The following IQSEC1 variants were observed in gnomAD, a reference collection of about 807,000 sequenced individuals.
IQSEC1 encodes the protein IQ motif and SEC7 domain-containing protein 1.
IQSEC1 carries 31 observed loss-of-function variants against 91.0 expected under a neutral mutation model. That is an observed-to-expected ratio of 0.34 (90% confidence interval 0.26 to 0.46). IQSEC1 has a LOEUF of 0.46. Among genes scored for constraint, IQSEC1 ranks in the 20% least tolerant of loss-of-function variants. IQSEC1 has a pLI of 1.00. For missense variants in IQSEC1, 1,388 were observed against 1,575.6 expected, an observed-to-expected ratio of 0.88 and a Z score of 2.02; for synonymous variants, 699 against 662.6, an observed-to-expected ratio of 1.05 and a Z score of -0.84.
intron 1 of IQSEC1, among the ~76,000 whole-genome samples, chr3:13,041,129 C>A (rs1483781787): frequency 6.6e-6 from 1 of 151,992 alleles, no homozygotes; most frequent in Non-Finnish European, 1.5e-5. Context: ...TGAGGATGAA[C>A]AATTAAGTAT....
intron 1 of IQSEC1, among the ~76,000 whole-genome samples, chr3:13,178,364 A>C (rs181187743): frequency 5.9e-5 from 9 of 152,342 alleles, no homozygotes; most frequent in African/African-American, 2.2e-4. Flanking sequence ...GCTAGAAGCC[A>C]GGTCAGGGGT....
chr3:13,179,295 C>T (rs1693792568), intron 1 of IQSEC1, among the ~76,000 whole-genome samples: 1 of 152,180 alleles, frequency 6.6e-6, no homozygotes, highest in Non-Finnish European at 1.5e-5. Context: ...CACATTCAAC[C>T]TGCTGGAAGA....
At position 13,259,538 on chromosome 3, in the gene IQSEC1, G is replaced by A. The variant is rs1372398093; in HGVS notation, c.272+23173C>T. ...CAGGGAAATACAGCCGACTCCCCAA[G>A]GCCTTCGAGGCGGGCTGATGGATGC... On this transcript the variant is annotated intron_variant, in intron 1 of 15. Transcript: ENST00000648114. The surrounding 1 kb of genome is among the most constrained non-coding windows in gnomAD (Gnocchi z 4.6). 6.6e-6 allele frequency among the ~76,000 whole-genome samples: 1 copy of A among 152,190 alleles called. No homozygotes were observed. Among genetic ancestry groups the A allele is most frequent in the Non-Finnish European group, 1.5e-5 (1 of 68,050 alleles).
At chr3:13,264,389 G>C (rs1695447655) in intron 1 of IQSEC1, among the ~76,000 whole-genome samples, 1 of 152,214 alleles carries the variant, frequency 6.6e-6, no homozygotes. Flanking sequence ...GGCGGACACG[G>C]TGAAAACACG....
At chr3:13,069,390 G>GGC (rs33997561) in intron 1 of IQSEC1, among the ~76,000 whole-genome samples, 77,816 of 151,388 alleles carry the variant, frequency 0.51, 20,186 homozygotes, top group East Asian at 0.65. Flanking sequence ...GTTTCTTGGA[G>GGC]GTGTGTGTGT....
intron 1 of IQSEC1, among the ~76,000 whole-genome samples, chr3:12,989,516 T>C (rs1056560022): frequency 1.2e-4 from 18 of 152,310 alleles, no homozygotes; most frequent in African/African-American, 4.1e-4. Flanking sequence ...TCCAAGGTCA[T>C]GCACAAAGCT....
chr3:13,100,449 G>A (rs1274126023), intron 2 of IQSEC1, among the ~76,000 whole-genome samples: 1 of 148,626 alleles, frequency 6.7e-6, no homozygotes, highest in African/African-American at 2.5e-5. Context: ...ACCCCAGGGT[G>A]GGGTTTCCCT....
chr3:12,951,780 G>A (rs1423514906), intron 1 of IQSEC1, among the ~76,000 whole-genome samples: 2 of 152,166 alleles, frequency 1.3e-5, no homozygotes, highest in Non-Finnish European at 2.9e-5. Flanking sequence ...ATGACCGGGT[G>A]GTGAGGAGGA....
Position 13,260,734 on chromosome 3 carries a change from C to T in IQSEC1, c.272+21977G>A, listed in dbSNP as rs376434243. 3.7e-4 allele frequency among the ~76,000 whole-genome samples: 57 copies of T among 152,134 alleles called. No individual in the cohort carries two copies. In the South Asian group the frequency reaches 9.3e-3, roughly 25 times the overall value. The stretch of plus-strand genomic sequence containing the variant: ...ATGGCCAAGAAGCTGACCTTGGTGC[C>T]GGCTCCACAGTCCTCCTGGCAGGGT... On this transcript the variant is annotated intron_variant, in intron 1 of 15. Coordinates refer to the IQSEC1 transcript ENST00000648114.
chr3:13,266,512 A>G (rs1306419223), intron 1 of IQSEC1, among the ~76,000 whole-genome samples: 1 of 151,748 alleles, frequency 6.6e-6, no homozygotes, highest in Non-Finnish European at 1.5e-5. Context: ...TTAAACCAGG[A>G]GGCTCAGGGA....
chr3:13,244,033 G>C (rs1230958056), intron 1 of IQSEC1, among the ~76,000 whole-genome samples: 1 of 151,766 alleles, frequency 6.6e-6, no homozygotes, highest in African/African-American at 2.4e-5. Context: ...CGCCTGCTCT[G>C]TGCCAGGCCA....
intron 2 of IQSEC1, among the ~76,000 whole-genome samples, chr3:13,131,794 C>T (rs76283398): frequency 0.033 from 5,032 of 152,182 alleles, 249 homozygotes; most frequent in African/African-American, 0.11. Flanking sequence ...AAGGTTTAAA[C>T]CTATTTCTAT....
intron 8 of IQSEC1, 76 bp downstream of exon 8, chr3:12,915,028 G>A (rs1695939809): frequency 1.4e-6 from 2 of 1,465,546 alleles, no homozygotes; most frequent in African/African-American, 1.4e-5. Flanking sequence ...AGCCTGGGGA[G>A]CCGGCGGACT....
At chr3:13,010,913 C>T (rs935716804) in intron 1 of IQSEC1, among the ~76,000 whole-genome samples, 2 of 152,110 alleles carry the variant, frequency 1.3e-5, no homozygotes, top group Non-Finnish European at 2.9e-5. Context: ...ACAGTTTCTA[C>T]CCAAACTCTC....
intron 1 of IQSEC1, among the ~76,000 whole-genome samples, chr3:12,959,711 T>C (rs1700124964): frequency 6.6e-6 from 1 of 152,170 alleles, no homozygotes; most frequent in South Asian, 2.1e-4. Flanking sequence ...ATGAGACAGG[T>C]CCTTGATATA....
intron 1 of IQSEC1, among the ~76,000 whole-genome samples, chr3:12,952,596 G>C (rs995141697): frequency 6.6e-6 from 1 of 152,092 alleles, no homozygotes; most frequent in African/African-American, 2.4e-5. Context: ...CATTTGGCGG[G>C]ACCCAGGAGA....
chr3:12,919,914 C>T (rs945115438), intron 6 of IQSEC1, among the ~76,000 whole-genome samples: 1 of 152,254 alleles, frequency 6.6e-6, no homozygotes, highest in Non-Finnish European at 1.5e-5. Flanking sequence ...ACATGCCCAC[C>T]TCCCTGAGGG....
intron 3 of IQSEC1, among the ~76,000 whole-genome samples, chr3:12,931,184 C>T (rs1697639774): frequency 6.6e-6 from 1 of 152,168 alleles, no homozygotes; most frequent in South Asian, 2.1e-4. Flanking sequence ...TCAGCACCAG[C>T]CACCTCAGAC....
rs7632421 is a variant in IQSEC1, at chr3:12,979,350, A to T, written c.24-37485T>A. On this transcript the variant is annotated intron_variant, in intron 1 of 13. Transcript: ENST00000613206. This position sits in a 1 kb window ranked among gnomAD's most constrained non-coding sequence, Gnocchi z 4.3. ...ACAACACAGATTAGCAAGCACAGAGAATCCACATGACAGGACGCCGCCAAT... is the reference window on the plus strand; with the variant it reads ...ACAACACAGATTAGCAAGCACAGAGTATCCACATGACAGGACGCCGCCAAT... 0.13 allele frequency among the ~76,000 whole-genome samples: 19,684 copies of T among 152,242 alleles called. 1,338 individuals are homozygous for T. The highest frequency in any genetic ancestry group is 0.18 in the South Asian group (888 of 4,822).
Sources: gnomAD v4.1 joint callset for allele counts (sites outside exome capture counted in the v4.1 genomes callset) on GRCh38, gnomAD v4.1.1 for gene constraint, Gnocchi (gnomAD v3.1) non-coding constraint, MANE v1.5 for transcripts, NCBI Gene and HGNC (gene_info 2026-07-23, HGNC 2026-07-21) for gene names.